RARS2: variants seen among roughly 807,000 people sequenced by gnomAD.
RARS2 encodes probable arginine--tRNA ligase, mitochondrial.
A neutral mutation model predicts 88.5 loss-of-function variants in RARS2; 67 were observed. The observed-to-expected ratio is 0.76, with a 90% confidence interval of 0.62 to 0.93. The LOEUF (loss-of-function observed/expected upper bound fraction) is 0.93. Among genes scored for constraint, RARS2 ranks in the 40% least tolerant of loss-of-function variants. RARS2 has a pLI of 0.00. For missense variants in RARS2, 664 were observed against 684.2 expected, an observed-to-expected ratio of 0.97 and a Z score of 0.33; for synonymous variants, 239 against 230.3, an observed-to-expected ratio of 1.04 and a Z score of -0.34.
chr6:87,519,534 T>A, intron 14 of RARS2, 49 bp downstream of exon 14: 1 of 1,568,786 alleles, frequency 6.4e-7, no homozygotes, highest in Non-Finnish European at 8.8e-7. Flanking sequence ...CAGAATAACA[T>A]AAAAGTGGCA....
At chr6:87,556,963 C>T (rs890977472) in intron 4 of RARS2, among the ~76,000 whole-genome samples, 2 of 151,840 alleles carry the variant, frequency 1.3e-5, no homozygotes, top group Non-Finnish European at 2.9e-5. Context: ...CAAAATGCAT[C>T]TTGAGTCTTA....
chr6:87,524,755 A>G, intron 10 of RARS2, 103 bp from the exon 11 acceptor site: 1 of 823,994 alleles, frequency 1.2e-6, no homozygotes, highest in Non-Finnish European at 2.0e-6. Context: ...TTTATTACCC[A>G]CGTTGCAATG....
rs200704151 is a variant in RARS2, at chr6:87,580,803, C to T, written c.36+9119G>A. Among the ~76,000 whole-genome samples the T allele has an allele frequency of 1.8e-4, 28 of 151,970 alleles. No individual in the cohort carries two copies. The East Asian group carries it at 5.3e-3, about 29-fold the overall frequency. ...GCTTACTTATTTTTAAGAGGAAGCA[C>T]TTAAGGGAATATCAAGTGAAAATTC... On this transcript the variant is annotated intron_variant, in intron 1 of 19. Transcript: ENST00000369536.
intron 13 of RARS2, 66 bp from the exon 14 acceptor site, chr6:87,519,773 C>T (rs1773242794): frequency 6.3e-7 from 1 of 1,586,510 alleles, no homozygotes; most frequent in Non-Finnish European, 8.7e-7. Context: ...CATATAATAC[C>T]TTTCAGAGAG....
At position 87,547,272 on chromosome 6, in the gene RARS2, A is replaced by G. The variant is rs141890720; in HGVS notation, c.451+1319T>C. Among the ~76,000 whole-genome samples, 886 of 152,236 alleles carry G rather than the reference A, an allele frequency of 5.8e-3. 5 individuals are homozygous for G. Among genetic ancestry groups the G allele is most frequent in the African/African-American group, 0.018 (768 of 41,522 alleles). ...TCATATAGCTTTTTTTATACTGTAT[A>G]TTTCTTATACTTTTTCATCAAGTCC... On this transcript the variant is annotated intron_variant, in intron 6 of 19. Coordinates refer to ENST00000369536, the MANE Select transcript of RARS2 (RefSeq NM_020320.5).
chr6:87,524,758 T>A lies in RARS2; in HGVS notation c.879-106A>T. 3 of 807,202 alleles carry A rather than the reference T, an allele frequency of 3.7e-6. No homozygotes were observed. In the South Asian group the frequency reaches 4.2e-5, roughly 11 times the overall value. The allele number at this position is 807,202 out of a possible 1,614,324, so 50.0% of individuals were successfully genotyped here. On this transcript the variant is annotated intron_variant, in intron 10 of 19. Coordinates refer to ENST00000369536, the MANE Select transcript of RARS2 (RefSeq NM_020320.5). Reference sequence around the variant, plus strand: ...CCAGAAGCTATTTTTATTACCCACGTTGCAATGAGCAGTGCCAATTCAAGC... The same window carrying A: ...CCAGAAGCTATTTTTATTACCCACGATGCAATGAGCAGTGCCAATTCAAGC...
At chr6:87,584,037 T>C (rs967223670) in intron 1 of RARS2, among the ~76,000 whole-genome samples, 3 of 152,214 alleles carry the variant, frequency 2.0e-5, no homozygotes, top group East Asian at 1.9e-4. Flanking sequence ...ATTGCCTTTG[T>C]TCTGGACTAT....
chr6:87,547,773 G>A (rs965947817), intron 6 of RARS2, among the ~76,000 whole-genome samples: 5 of 151,872 alleles, frequency 3.3e-5, no homozygotes, highest in Middle Eastern at 3.4e-3. Context: ...CTGAGTAGCT[G>A]GGATTACAGG....
At chr6:87,530,215 C>T (rs184595884) in intron 9 of RARS2, among the ~76,000 whole-genome samples, 1 of 152,244 alleles carries the variant, frequency 6.6e-6, no homozygotes, top group East Asian at 1.9e-4. Context: ...GCTCTTCAAC[C>T]TTCTCCTGTC....
chr6:87,582,126 A>G (rs76020515), intron 1 of RARS2, among the ~76,000 whole-genome samples: 129 of 152,268 alleles, frequency 8.5e-4, no homozygotes, highest in African/African-American at 2.1e-3. Context: ...ATACCCTGCA[A>G]TGGGATTGCT....
At position 87,518,459 on chromosome 6, in the gene RARS2, C is replaced by T; in HGVS notation, c.1415+171G>A. ...ATAATACACATAAATGTATTTCTAA[C>T]ATAGGTGCTCAATAAATTTTTTTTT... On this transcript the variant is annotated intron_variant, in intron 16 of 19. Transcript: ENST00000369536. 5.2e-6 allele frequency: 7 copies of T among 1,350,994 alleles called. No individual in the cohort carries two copies. In the South Asian group the frequency reaches 8.4e-5, roughly 16 times the overall value. 83.7% of individuals were successfully genotyped at this position (1,350,994 alleles called of 1,614,324 possible). A position where few individuals can be genotyped will look rare whatever the true frequency, so the allele number is the denominator to read the frequency against.
intron 8 of RARS2, among the ~76,000 whole-genome samples, chr6:87,540,464 A>G (rs1046491630): frequency 6.6e-6 from 1 of 151,784 alleles, no homozygotes; most frequent in Non-Finnish European, 1.5e-5. Flanking sequence ...AAAAAAAAAA[A>G]AAAAAACTGG....
intron 3 of RARS2, 142 bp from the exon 4 acceptor site, chr6:87,562,927 A>C (rs1264714549): frequency 1.4e-6 from 1 of 698,046 alleles, no homozygotes. Flanking sequence ...TTCTCAGGCA[A>C]TCTCTTTAGT....
At chr6:87,560,568 A>AT (rs947886343) in intron 4 of RARS2, among the ~76,000 whole-genome samples, 1 of 152,082 alleles carries the variant, frequency 6.6e-6, no homozygotes, top group Admixed American at 6.6e-5. Context: ...CAAGAATCGA[A>AT]TTTTTTTTCT....
Position 87,520,197 on chromosome 6 carries a change from T to G in RARS2, c.1095A>C (p.Gly365=), listed in dbSNP as rs777543421. The change falls in exon 13 of 20, where the codon GGA becomes GGC. Residue 365 remains glycine (G), a synonymous_variant. Coordinates refer to ENST00000369536, the MANE Select transcript of RARS2 (RefSeq NM_020320.5). ...QQVFQMLKIM[G]YDWAERCQHV... ...GACATTACCTTTCTGCCCAGTCATA[T>G]CCCATGATCTTCAGCATTTGGAATA... The G allele has an allele frequency of 1.4e-5, 23 of 1,613,454 alleles. No homozygotes were observed. In the African/African-American group the frequency reaches 3.1e-4, roughly 22 times the overall value.
At chr6:87,565,852 AT>A (rs1767705752) in intron 2 of RARS2, among the ~76,000 whole-genome samples, 2 of 152,218 alleles carry the variant, frequency 1.3e-5, no homozygotes, top group Admixed American at 1.3e-4. Context: ...GAAAAAACTT[AT>A]TTTTGAGAAG....
chr6:87,527,838 C>T (rs1307465218), intron 10 of RARS2, among the ~76,000 whole-genome samples: 1 of 151,736 alleles, frequency 6.6e-6, no homozygotes, highest in Non-Finnish European at 1.5e-5. Context: ...CACATATTCT[C>T]ACTTATAAGT....
intron 4 of RARS2, among the ~76,000 whole-genome samples, chr6:87,561,352 A>T (rs1220667559): frequency 6.6e-6 from 1 of 152,212 alleles, no homozygotes; most frequent in Non-Finnish European, 1.5e-5. Flanking sequence ...ACAAAGAAAA[A>T]TATACAGCCT....
At chr6:87,518,436 A>T in intron 16 of RARS2, 172 bp from the exon 17 acceptor site, 1 of 1,419,086 alleles carries the variant, frequency 7.0e-7, no homozygotes, top group Non-Finnish European at 9.4e-7. Flanking sequence ...GGACTAAGAT[A>T]ATACACATAA....
Sources: gnomAD v4.1 joint callset for allele counts (sites outside exome capture counted in the v4.1 genomes callset) on GRCh38, gnomAD v4.1.1 for gene constraint, MANE v1.5 for transcripts, NCBI Gene and HGNC (gene_info 2026-07-23, HGNC 2026-07-21) for gene names.